Variants in F13A1 observed in about 807,000 individuals in gnomAD.
The protein encoded by F13A1 is coagulation factor XIII A chain, also known as FSF, A subunit.
A neutral mutation model predicts 80.1 loss-of-function variants in F13A1; 47 were observed. That is an observed-to-expected ratio of 0.59 (90% CI 0.46 to 0.75). The LOEUF is 0.75. Among genes scored for constraint, F13A1 ranks in the 30% least tolerant of loss-of-function variants. The pLI, the probability that F13A1 is intolerant of heterozygous loss-of-function variation, is 0.00. For synonymous variants in F13A1, 349 were observed against 344.9 expected (o/e 1.01, Z -0.13); for missense variants, 817 against 930.4 (o/e 0.88, Z 1.59).
At chr6:6,211,935 C>G (rs540055968) in intron 8 of F13A1, among the ~76,000 whole-genome samples, 1 of 152,334 alleles carries the variant, frequency 6.6e-6, no homozygotes, top group Admixed American at 6.5e-5. Flanking sequence ...CCTGGAAAAT[C>G]GGGTCACTCC....
intron 8 of F13A1, among the ~76,000 whole-genome samples, chr6:6,205,578 G>C (rs1274605371): frequency 6.6e-6 from 1 of 152,172 alleles, no homozygotes; most frequent in Non-Finnish European, 1.5e-5. Flanking sequence ...TCCAAGAACA[G>C]ATTTCTTGGA....
chr6:6,203,950 ATTTAT>A (rs1761442877), intron 8 of F13A1, among the ~76,000 whole-genome samples: 1 of 152,124 alleles, frequency 6.6e-6, no homozygotes, highest in South Asian at 2.1e-4. Flanking sequence ...ACTGAGGACT[ATTTAT>A]TTATTTATGT....
At chr6:6,280,363 G>A (rs75381934) in intron 3 of F13A1, among the ~76,000 whole-genome samples, 6,373 of 152,198 alleles carry the variant, frequency 0.042, 189 homozygotes, top group Non-Finnish European at 0.064. Context: ...TAGACCGTGG[G>A]GGAAGTCAAC....
At chr6:6,160,311 T>C (rs1397922327) in intron 13 of F13A1, among the ~76,000 whole-genome samples, 2 of 150,740 alleles carry the variant, frequency 1.3e-5, no homozygotes, top group African/African-American at 4.9e-5. Context: ...ATGTTCTCAC[T>C]GTTGAATTTT....
At chr6:6,155,821 T>C (rs535844661) in intron 13 of F13A1, among the ~76,000 whole-genome samples, 1 of 152,364 alleles carries the variant, frequency 6.6e-6, no homozygotes, top group South Asian at 2.1e-4. Flanking sequence ...GGAGAAAATA[T>C]CTGTTTGCAT....
intron 2 of F13A1, among the ~76,000 whole-genome samples, chr6:6,309,351 C>T (rs1032247086): frequency 2.0e-5 from 3 of 152,032 alleles, no homozygotes; most frequent in African/African-American, 4.8e-5. Flanking sequence ...CCCTAACCCA[C>T]ATTTAGGGGG....
intron 13 of F13A1, among the ~76,000 whole-genome samples, chr6:6,159,936 A>G (rs1277489621): frequency 6.6e-6 from 1 of 152,130 alleles, no homozygotes; most frequent in African/African-American, 2.4e-5. Flanking sequence ...CAGTGCTGAA[A>G]GAAAGTGGCG....
At chr6:6,267,740 T>TA (rs35746453) in intron 3 of F13A1, among the ~76,000 whole-genome samples, 40,245 of 151,406 alleles carry the variant, frequency 0.27, 5,492 homozygotes, top group South Asian at 0.37. Context: ...ATGATAGATT[T>TA]AAAAAAAAAT....
rs186805746 is a variant in F13A1 at position 6,176,428 on chromosome 6, T to C, written c.1460-1561A>G. On this transcript the variant is annotated intron_variant, in intron 11 of 14. Coordinates refer to ENST00000264870, the MANE Select transcript of F13A1 (RefSeq NM_000129.4). ...TTTCCTTGTTTGTAAAATAAGGGTG[T>C]CTACATCCTAGGTTTATTAGGTGAA... Among the ~76,000 whole-genome samples the C allele has an allele frequency of 5.9e-5, 9 of 152,326 alleles. No individual in the cohort carries two copies. In the East Asian group the frequency reaches 1.5e-3, roughly 26 times the overall value.
chr6:6,258,852 G>T (rs1039452628), intron 4 of F13A1, among the ~76,000 whole-genome samples: 1 of 152,066 alleles, frequency 6.6e-6, no homozygotes, highest in African/African-American at 2.4e-5. Flanking sequence ...ACTGTTCTGG[G>T]TGCTAGCCAA....
chr6:6,278,103 G>A (rs1028624275), intron 3 of F13A1, among the ~76,000 whole-genome samples: 3 of 152,200 alleles, frequency 2.0e-5, no homozygotes, highest in Admixed American at 6.5e-5. Flanking sequence ...GCTGTGGCAC[G>A]ATTCAGGATC....
rs192001129 is a variant in F13A1, at chr6:6,198,793, T to C, written c.1113-1467A>G. Among the ~76,000 whole-genome samples the C allele has an allele frequency of 3.9e-3, 593 of 152,306 alleles. 2 individuals carry two copies. The highest frequency in any genetic ancestry group is 0.014 in the African/African-American group (571 of 41,562). On this transcript the variant is annotated intron_variant, in intron 8 of 14. Transcript: ENST00000264870. ...CTGGCATGTGTTAAGTGCTCAAAAA[T>C]GGTAACTCTCAGGCTTTGAAAAATA...
intron 6 of F13A1, among the ~76,000 whole-genome samples, chr6:6,229,587 A>G (rs1332909473): frequency 6.6e-6 from 1 of 152,164 alleles, no homozygotes; most frequent in Admixed American, 6.5e-5. Flanking sequence ...TTGGATCATC[A>G]TGGTGGATGG....
intron 4 of F13A1, among the ~76,000 whole-genome samples, chr6:6,253,268 G>A (rs1342179238): frequency 1.3e-5 from 2 of 151,704 alleles, no homozygotes; most frequent in Non-Finnish European, 2.9e-5. Flanking sequence ...CCAATTTATA[G>A]TTTCCTGCAT....
chr6:6,195,743 A>C, intron 10 of F13A1, 54 bp downstream of exon 10: 1 of 1,500,088 alleles, frequency 6.7e-7, no homozygotes, highest in Non-Finnish European at 9.2e-7. Context: ...TTACTCTTTC[A>C]TGTGTTAAGA....
chr6:6,289,871 G>T (rs191008392), intron 3 of F13A1, among the ~76,000 whole-genome samples: 1 of 149,610 alleles, frequency 6.7e-6, no homozygotes, highest in Non-Finnish European at 1.5e-5. Context: ...ATTTCTATTC[G>T]TTTTTTGAGA....
At chr6:6,239,115 A>T (rs1398427552) in intron 6 of F13A1, among the ~76,000 whole-genome samples, 1 of 152,214 alleles carries the variant, frequency 6.6e-6, no homozygotes, top group African/African-American at 2.4e-5. Context: ...ATGCATCAAT[A>T]GGTGAATGGA....
chr6:6,190,783 C>A (rs560352881), intron 10 of F13A1, among the ~76,000 whole-genome samples: 1 of 152,280 alleles, frequency 6.6e-6, no homozygotes, highest in Non-Finnish European at 1.5e-5. Context: ...CTTTGTTTAC[C>A]TAAGCAAGCC....
At chr6:6,206,371 A>C in intron 8 of F13A1, 1 of 426,206 alleles carries the variant, frequency 2.3e-6, no homozygotes, top group Admixed American at 2.6e-5. Flanking sequence ...GTAGGCAAAA[A>C]TTATGATTAA....
Sources: gnomAD v4.1 joint callset for allele counts (sites outside exome capture counted in the v4.1 genomes callset) on GRCh38, gnomAD v4.1.1 for gene constraint, MANE v1.5 for transcripts, NCBI Gene and HGNC (gene_info 2026-07-23, HGNC 2026-07-21) for gene names.